The following RAB12 variants were observed in gnomAD, a reference collection of about 807,000 sequenced individuals.
RAB12 encodes ras-related protein Rab-12.
A neutral mutation model predicts 28.4 loss-of-function variants in RAB12; 11 were observed. That is an observed-to-expected ratio of 0.39 (90% CI 0.24 to 0.64). The LOEUF (loss-of-function observed/expected upper bound fraction) is 0.64, where lower values mean the gene tolerates loss of function less well. Ranked by LOEUF, RAB12 falls within the 30% of genes least tolerant of loss-of-function variation. The pLI is 0.50. For synonymous variants in RAB12, 138 were observed against 145.3 expected (o/e 0.95, Z 0.36); for missense variants, 276 against 351.1 (o/e 0.79, Z 1.71).
chr18:8,634,626 C>T (rs1170444377), intron 3 of RAB12, among the ~76,000 whole-genome samples: 1 of 152,094 alleles, frequency 6.6e-6, no homozygotes, highest in African/African-American at 2.4e-5. Flanking sequence ...ATGCTGTCTT[C>T]CTTTTGTCAT....
chr18:8,621,728 G>A (rs2096009984), intron 1 of RAB12, among the ~76,000 whole-genome samples: 1 of 152,058 alleles, frequency 6.6e-6, no homozygotes, highest in Admixed American at 6.5e-5. Context: ...CAGGCAGTGA[G>A]CATAGGACCT....
intron 1 of RAB12, among the ~76,000 whole-genome samples, chr18:8,618,261 A>G (rs2096007761): frequency 6.6e-6 from 1 of 152,172 alleles, no homozygotes; most frequent in Non-Finnish European, 1.5e-5. Context: ...GCAAGCGAGG[A>G]CAGGTCTTCT....
chr18:8,635,785 T>C (rs1244014858), intron 4 of RAB12, 163 bp downstream of exon 4: 2 of 520,996 alleles, frequency 3.8e-6, no homozygotes, highest in Non-Finnish European at 6.7e-6. Flanking sequence ...GACTTCGTGC[T>C]CCTTTAAATT....
intron 2 of RAB12, among the ~76,000 whole-genome samples, chr18:8,632,370 T>A (rs1392603313): frequency 1.3e-5 from 2 of 151,570 alleles, no homozygotes; most frequent in African/African-American, 2.4e-5. Context: ...TGGCTGACAG[T>A]AGTGGCTGTG....
intron 4 of RAB12, chr18:8,635,837 A>C (rs1300364784): frequency 4.0e-6 from 2 of 496,770 alleles, no homozygotes; most frequent in Non-Finnish European, 7.0e-6. Flanking sequence ...CAGTGTATAC[A>C]ACATTATTAT....
intron 1 of RAB12, among the ~76,000 whole-genome samples, chr18:8,624,604 T>G (rs1259944245): frequency 6.6e-6 from 1 of 152,226 alleles, no homozygotes; most frequent in African/African-American, 2.4e-5. Context: ...TAAAGCCACT[T>G]ATTTGTTGAT....
chr18:8,635,363 C>G (rs905638214), intron 3 of RAB12, 170 bp from the exon 4 acceptor site: 2 of 527,606 alleles, frequency 3.8e-6, no homozygotes, highest in Non-Finnish European at 6.7e-6. Flanking sequence ...ACAGTGAGCC[C>G]TGCCTTGCAC....
intron 2 of RAB12, among the ~76,000 whole-genome samples, chr18:8,632,298 A>G (rs2096016455): frequency 1.3e-5 from 2 of 151,912 alleles, no homozygotes; most frequent in South Asian, 2.1e-4. Flanking sequence ...AAAAAAAAAA[A>G]AAAAGTAATT....
intron 2 of RAB12, among the ~76,000 whole-genome samples, chr18:8,625,242 T>A (rs375741196): frequency 2.3e-4 from 35 of 152,376 alleles, no homozygotes; most frequent in African/African-American, 8.2e-4. Flanking sequence ...TGGTAGCTAG[T>A]TTGGAACCTT....
intron 3 of RAB12, chr18:8,635,278 G>T: frequency 3.6e-6 from 1 of 279,272 alleles, no homozygotes; most frequent in Non-Finnish European, 6.7e-6. Context: ...CTTAGGAAGA[G>T]GTCTTGGGAA....
chr18:8,609,706 C>G lies in RAB12; in HGVS notation c.267C>G (p.Ala89=). The change falls in exon 1 of 6, where the codon GCC becomes GCG. Residue 89 remains alanine (A), a synonymous_variant. Coordinates refer to ENST00000649141, the MANE Select transcript of RAB12 (RefSeq NM_001025300.3). ...GGGCGGGCGGCGGCGGGCGGCGGGC[C>G]GAGCGGGAGCCGCATGCGTGTATGG... The part of the protein sequence containing the change: ...SRGAGGGGRR[A]EREPHACMDP... 9.7e-7 allele frequency: 1 copy of G among 1,027,554 alleles called. No homozygotes were observed. The highest frequency in any genetic ancestry group is 4.4e-5 in the South Asian group (1 of 22,478). The allele number at this position is 1,027,554 out of a possible 1,614,324, so 63.7% of individuals were successfully genotyped here. A position where few individuals can be genotyped will look rare whatever the true frequency, so the allele number is the denominator to read the frequency against.
At chr18:8,636,540 C>A (rs2096019046) in intron 5 of RAB12, among the ~76,000 whole-genome samples, 183 bp downstream of exon 5, 1 of 152,222 alleles carries the variant, frequency 6.6e-6, no homozygotes, top group Non-Finnish European at 1.5e-5. Flanking sequence ...GTTTCCCACC[C>A]AGGGGCTTCT....
At chr18:8,624,895 A>G in intron 1 of RAB12, 43 bp from the exon 2 acceptor site, 6 of 1,206,530 alleles carry the variant, frequency 5.0e-6, no homozygotes, top group Admixed American at 1.8e-5. Flanking sequence ...GACAAATTGC[A>G]TCTTTGTTGT....
chr18:8,625,756 A>G (rs1284276332), intron 2 of RAB12, among the ~76,000 whole-genome samples: 1 of 152,204 alleles, frequency 6.6e-6, no homozygotes, highest in Non-Finnish European at 1.5e-5. Context: ...TTTGTTTTGA[A>G]TGCTACAGCT....
At chr18:8,637,601 G>C (rs111482510) in intron 5 of RAB12, among the ~76,000 whole-genome samples, 45 of 152,126 alleles carry the variant, frequency 3.0e-4, no homozygotes, top group African/African-American at 1.0e-3. Flanking sequence ...GTATAATTTG[G>C]AAAGCATTTA....
At chr18:8,618,153 GTCA>G (rs1567893113) in intron 1 of RAB12, among the ~76,000 whole-genome samples, 1 of 152,080 alleles carries the variant, frequency 6.6e-6, no homozygotes, top group Non-Finnish European at 1.5e-5. Context: ...AGTCCGTGGT[GTCA>G]TTGTTTGTTC....
intron 4 of RAB12, 35 bp from the exon 5 acceptor site, chr18:8,636,218 C>G (rs2096018830): frequency 7.0e-7 from 1 of 1,436,174 alleles, no homozygotes. Context: ...CTGTGAGGCC[C>G]CACACAGAGG....
chr18:8,638,090 A>G, intron 5 of RAB12, 59 bp from the exon 6 acceptor site: 1 of 1,074,728 alleles, frequency 9.3e-7, no homozygotes, highest in Non-Finnish European at 1.4e-6. Flanking sequence ...TTCAAGGGTC[A>G]GCTGTATGTG....
rs967822853 is a variant in RAB12 at position 8,639,085 on chromosome 18, T to TAATGATA, written c.*826_*832dup. ...TTTGCCTAAACACTCTGTACCTTTG[T>TAATGATA]AATGATAAAACTTCCCCCTTCTTTA... On this transcript the variant is annotated 3_prime_UTR_variant, in exon 6 of 6. Transcript: ENST00000649141. 2.0e-5 allele frequency: 3 copies of TAATGATA among 150,152 alleles called. No homozygotes were observed. Among genetic ancestry groups the TAATGATA allele is most frequent in the South Asian group, 2.1e-4 (1 of 4,684 alleles). The allele number at this position is 150,152 out of a possible 1,614,324, so 9.3% of individuals were successfully genotyped here.
Sources: gnomAD v4.1 joint callset for allele counts (sites outside exome capture counted in the v4.1 genomes callset) on GRCh38, gnomAD v4.1.1 for gene constraint, MANE v1.5 for transcripts, NCBI Gene and HGNC (gene_info 2026-07-23, HGNC 2026-07-21) for gene names.